RALGAPA2: variants seen among roughly 807,000 people sequenced by gnomAD.
RALGAPA2 encodes Ral GTPase activating protein catalytic subunit alpha 2, also known as ral GTPase-activating protein subunit alpha-2.
In RALGAPA2, 139 loss-of-function variants were observed where a neutral mutation model predicts 230.4. The ratio of observed to expected loss-of-function variants is 0.60; its 90% CI spans 0.53 to 0.69. The LOEUF (loss-of-function observed/expected upper bound fraction) is 0.69, where lower values mean the gene tolerates loss of function less well. Ranked by LOEUF, RALGAPA2 falls within the 30% of genes least tolerant of loss-of-function variation. The pLI is 0.00. For missense variants in RALGAPA2, 2,163 were observed against 2,276.0 expected (o/e 0.95, Z 1.01); for synonymous variants, 847 against 837.8 (o/e 1.01, Z -0.19).
At chr20:20,605,115 C>A in intron 15 of RALGAPA2, 60 bp downstream of exon 15, 1 of 1,429,692 alleles carries the variant, frequency 7.0e-7, no homozygotes, top group Non-Finnish European at 9.7e-7. Context: ...CTTAGTCATA[C>A]AAATACACAC....
chr20:20,548,545 A>C (rs1164922165), intron 23 of RALGAPA2, among the ~76,000 whole-genome samples: 1 of 152,188 alleles, frequency 6.6e-6, no homozygotes, highest in East Asian at 1.9e-4. Context: ...AGATAAATAG[A>C]TAAGTGAAAA....
chr20:20,424,897 C>T lies in RALGAPA2; in HGVS notation c.5496-12749G>A, dbSNP rs558927943. Reference sequence around the variant, plus strand: ...AAGAGTAGACAATTAAAGAGCAACACACATGAATTGTAAACTCTGTTTCTA... The same window carrying T: ...AAGAGTAGACAATTAAAGAGCAACATACATGAATTGTAAACTCTGTTTCTA... On this transcript the variant is annotated intron_variant, in intron 37 of 39. Transcript: ENST00000202677. Among the ~76,000 whole-genome samples the T allele has an allele frequency of 2.0e-5, 3 of 151,664 alleles. No homozygotes were observed. The South Asian group carries it at 6.2e-4, about 32-fold the overall frequency.
intron 9 of RALGAPA2, among the ~76,000 whole-genome samples, chr20:20,630,428 G>A (rs2066634303): frequency 6.6e-6 from 1 of 152,114 alleles, no homozygotes; most frequent in African/African-American, 2.4e-5. Flanking sequence ...AGTAATTTCA[G>A]TAACTACCAA....
chr20:20,567,543 C>A (rs2064470667), intron 23 of RALGAPA2, among the ~76,000 whole-genome samples: 1 of 152,194 alleles, frequency 6.6e-6, no homozygotes, highest in Non-Finnish European at 1.5e-5. Flanking sequence ...GAAACAACAT[C>A]AAGGCTGTTG....
chr20:20,425,682 G>A (rs760538362), intron 37 of RALGAPA2, among the ~76,000 whole-genome samples: 3 of 152,146 alleles, frequency 2.0e-5, no homozygotes, highest in Non-Finnish European at 4.4e-5. Context: ...TGAGTGGTAC[G>A]CTGGGTTGCA....
rs1295492483 is a variant in RALGAPA2 at position 20,392,195 on chromosome 20, AC to A, written c.*1093del. The A allele has an allele frequency of 1.3e-5, 2 of 151,238 alleles. No individual in the cohort carries two copies. Among genetic ancestry groups the A allele is most frequent in the African/African-American group, 4.9e-5 (2 of 40,520 alleles). 9.4% of individuals were successfully genotyped at this position (151,238 alleles called of 1,614,324 possible). A position where few individuals can be genotyped will look rare whatever the true frequency, so the allele number is the denominator to read the frequency against. The stretch of plus-strand genomic sequence containing the variant: ...TTCATTTTGTTTTTAAGAAAAAAAA[AC>A]AACAACAACAAAAAAACAGGTCTAA... On this transcript the variant is annotated 3_prime_UTR_variant, in exon 40 of 40. Coordinates refer to ENST00000202677, the MANE Select transcript of RALGAPA2 (RefSeq NM_020343.4).
At chr20:20,655,818 G>A (rs967329142) in intron 3 of RALGAPA2, among the ~76,000 whole-genome samples, 3 of 152,172 alleles carry the variant, frequency 2.0e-5, no homozygotes, top group African/African-American at 7.2e-5. Context: ...TGATATGCAG[G>A]AGATAAAATT....
chr20:20,490,149 C>T (rs542910754), intron 36 of RALGAPA2, among the ~76,000 whole-genome samples: 1 of 152,292 alleles, frequency 6.6e-6, no homozygotes, highest in Non-Finnish European at 1.5e-5. Flanking sequence ...AATAAACGTT[C>T]TTTAGTATTC....
chr20:20,575,677 T>C (rs941963418), intron 20 of RALGAPA2, among the ~76,000 whole-genome samples: 1 of 152,188 alleles, frequency 6.6e-6, no homozygotes, highest in Non-Finnish European at 1.5e-5. Context: ...CTACCTGGTA[T>C]GGGAAATTTT....
intron 37 of RALGAPA2, among the ~76,000 whole-genome samples, chr20:20,432,553 G>A (rs1325548604): frequency 1.3e-5 from 2 of 152,186 alleles, no homozygotes; most frequent in South Asian, 2.1e-4. Flanking sequence ...CTGAGTGGAA[G>A]AAAATTAAAA....
Position 20,712,268 on chromosome 20 carries a change from A to AACCCCCACC in RALGAPA2, c.106+106_106+107insGGTGGGGGT. On this transcript the variant is annotated intron_variant, in intron 1 of 39. Coordinates refer to ENST00000202677, the MANE Select transcript of RALGAPA2 (RefSeq NM_020343.4). The surrounding 1 kb of genome is among the most constrained non-coding windows in gnomAD (Gnocchi z 5.5). ...AGGGAAGGGGGTCGGACGCCCACCC[A>AACCCCCACC]TCCCCCTCCCCAGCCTCCCAGCCAC... 1 of 346,922 alleles carries AACCCCCACC rather than the reference A, an allele frequency of 2.9e-6. No individual in the cohort carries two copies. The highest frequency in any genetic ancestry group is 2.4e-5 in the African/African-American group (1 of 41,678). 21.5% of individuals were successfully genotyped at this position (346,922 alleles called of 1,614,324 possible).
chr20:20,675,527 A>G (rs1022281917), intron 3 of RALGAPA2, among the ~76,000 whole-genome samples: 3 of 152,144 alleles, frequency 2.0e-5, no homozygotes, highest in African/African-American at 7.2e-5. Flanking sequence ...AATAATTTCT[A>G]AAAAACCAAC....
chr20:20,604,285 G>A (rs2065750410), intron 15 of RALGAPA2, among the ~76,000 whole-genome samples: 1 of 152,190 alleles, frequency 6.6e-6, no homozygotes, highest in Non-Finnish European at 1.5e-5. Flanking sequence ...CTTAAGCACA[G>A]TAATTAAGGG....
intron 28 of RALGAPA2, among the ~76,000 whole-genome samples, chr20:20,525,986 T>A (rs757097946): frequency 5.3e-5 from 8 of 152,158 alleles, no homozygotes; most frequent in Non-Finnish European, 1.2e-4. Context: ...TGAAGCCCAA[T>A]CTACAAAAGG....
intron 37 of RALGAPA2, among the ~76,000 whole-genome samples, chr20:20,413,165 G>A (rs2060097012): frequency 6.6e-6 from 1 of 152,228 alleles, no homozygotes; most frequent in African/African-American, 2.4e-5. Context: ...AGGGAATGCG[G>A]ATCACCATCA....
chr20:20,555,105 G>A (rs1315888555), intron 23 of RALGAPA2, among the ~76,000 whole-genome samples: 2 of 152,180 alleles, frequency 1.3e-5, no homozygotes, highest in African/African-American at 2.4e-5. Context: ...TGTATATGGT[G>A]TGAGGTAGGG....
chr20:20,480,207 A>C (rs1281847375), intron 36 of RALGAPA2, among the ~76,000 whole-genome samples: 1 of 152,236 alleles, frequency 6.6e-6, no homozygotes, highest in African/African-American at 2.4e-5. Context: ...GCTGATTCTA[A>C]GACATTTGTA....
chr20:20,583,917 C>A (rs1019870621), intron 19 of RALGAPA2, among the ~76,000 whole-genome samples: 1 of 152,226 alleles, frequency 6.6e-6, no homozygotes, highest in Non-Finnish European at 1.5e-5. Context: ...GCTCACCCTT[C>A]TGGCTGCTCT....
intron 17 of RALGAPA2, among the ~76,000 whole-genome samples, chr20:20,589,949 C>A (rs939373915): frequency 6.6e-6 from 1 of 151,098 alleles, no homozygotes; most frequent in Non-Finnish European, 1.5e-5. Context: ...AATGGAAAAT[C>A]TAAATAGTCC....
Sources: allele counts gnomAD v4.1 joint callset (sites outside exome capture counted in the v4.1 genomes callset), GRCh38; gene constraint gnomAD v4.1.1; non-coding constraint Gnocchi (gnomAD v3.1); transcripts MANE v1.5; gene names NCBI Gene and HGNC (gene_info 2026-07-23, HGNC 2026-07-21).